The following FBXO38 variants were observed in gnomAD, a reference collection of about 807,000 sequenced individuals.
FBXO38 encodes F-box only protein 38.
FBXO38 carries 53 observed loss-of-function variants against 131.9 expected under a neutral mutation model. The observed-to-expected ratio is 0.40, with a 90% CI of 0.32 to 0.51. The LOEUF (loss-of-function observed/expected upper bound fraction) is 0.51. Among genes scored for constraint, FBXO38 ranks in the 20% least tolerant of loss-of-function variants. The probability of loss-of-function intolerance (pLI) is 0.53; values close to 1 mark genes in which losing one functional copy is unlikely to be tolerated. For missense variants in FBXO38, 1,076 were observed against 1,475.6 expected, an observed-to-expected ratio of 0.73 and a Z score of 4.44; for synonymous variants, 452 against 505.6, an observed-to-expected ratio of 0.89 and a Z score of 1.42.
chr5:148,422,136 G>T (rs1753478087), intron 12 of FBXO38, among the ~76,000 whole-genome samples: 1 of 151,784 alleles, frequency 6.6e-6, no homozygotes, highest in African/African-American at 2.4e-5. Context: ...AGCAACCAGG[G>T]CAGTCTTTTA....
At chr5:148,394,103 T>C (rs1019768493) in intron 1 of FBXO38, among the ~76,000 whole-genome samples, 1 of 152,190 alleles carries the variant, frequency 6.6e-6, no homozygotes, top group Non-Finnish European at 1.5e-5. Context: ...TCATTCTTTC[T>C]CTGAAGTTGT....
intron 5 of FBXO38, 59 bp downstream of exon 5, chr5:148,402,572 T>G: frequency 7.4e-7 from 1 of 1,345,098 alleles, no homozygotes; most frequent in Non-Finnish European, 1.0e-6. Context: ...AATGTGAATA[T>G]TCACTGAAAA....
intron 17 of FBXO38, among the ~76,000 whole-genome samples, chr5:148,435,769 C>CA (rs1388143541): frequency 6.6e-6 from 1 of 151,876 alleles, no homozygotes. Flanking sequence ...GACTCCATCT[C>CA]AAAAAAATAA....
In FBXO38 at chr5:148,433,751, C is replaced by T; in HGVS notation, c.2857+14C>T. 1 of 1,449,126 alleles carries T rather than the reference C, an allele frequency of 6.9e-7. No individual in the cohort carries two copies. The highest frequency in any genetic ancestry group is 9.6e-7 in the Non-Finnish European group (1 of 1,044,682). The allele number at this position is 1,449,126 out of a possible 1,614,324, so 89.8% of individuals were successfully genotyped here. Reference sequence around the variant, plus strand: ...TGTTCATCCATGGTATGTATTTGGGCCCATATTATACAAGAGTATCATGAA... The same window carrying T: ...TGTTCATCCATGGTATGTATTTGGGTCCATATTATACAAGAGTATCATGAA... On this transcript the variant is annotated intron_variant, in intron 17 of 21. Coordinates refer to ENST00000340253, the MANE Select transcript of FBXO38 (RefSeq NM_205836.3).
intron 12 of FBXO38, among the ~76,000 whole-genome samples, chr5:148,420,398 A>AT (rs2113603225): frequency 6.6e-6 from 1 of 152,220 alleles, no homozygotes; most frequent in East Asian, 1.9e-4. Context: ...AAATGCTGTG[A>AT]TTACAGGCAT....
rs112339566 is a variant in FBXO38, at chr5:148,442,531, G to A, written c.*384G>A. On this transcript the variant is annotated 3_prime_UTR_variant, in exon 22 of 22. Coordinates refer to ENST00000340253, the MANE Select transcript of FBXO38 (RefSeq NM_205836.3). ...AATCTGTGCCTTTTTCTTCTTGAGC[G>A]AAGCTGTTTGAGTAAACCTGTTGAA... 6 of 157,526 alleles carry A rather than the reference G, an allele frequency of 3.8e-5. No homozygotes were observed. Among genetic ancestry groups the A allele is most frequent in the African/African-American group, 1.2e-4 (5 of 41,610 alleles). The allele number at this position is 157,526 out of a possible 1,614,324, so 9.8% of individuals were successfully genotyped here. A position where few individuals can be genotyped will look rare whatever the true frequency, so the allele number is the denominator to read the frequency against.
At chr5:148,394,685 T>C (rs1020882934) in intron 1 of FBXO38, 29 bp from the exon 2 acceptor site, 8 of 1,248,358 alleles carry the variant, frequency 6.4e-6, no homozygotes, top group African/African-American at 3.1e-5. Context: ...TGTGTTTTTT[T>C]AGTCTACTTC....
chr5:148,427,516 C>T lies in FBXO38; in HGVS notation c.2222C>T (p.Pro741Leu). Residue 741 changes from proline to leucine, a missense_variant, in exon 15 of 22, where the codon CCT becomes CTT. This residue lies in a region of FBXO38 where 213 missense variants were observed against 225.2 expected (regional missense o/e 0.95). Coordinates refer to ENST00000340253, the MANE Select transcript of FBXO38 (RefSeq NM_205836.3). ...AGCGGCGGCTCTTCCGAGCCTAGCC[C>T]TACAGAAGTGGATGTGTCCAGGCAG... ...VNSGGSSEPS[P>L]TEVDVSRQCA... is the part of the protein sequence containing the mutation. 1 of 1,614,194 alleles carries T rather than the reference C, an allele frequency of 6.2e-7. No individual in the cohort carries two copies. The highest frequency in any genetic ancestry group is 8.5e-7 in the Non-Finnish European group (1 of 1,180,018).
chr5:148,440,414 T>C lies in FBXO38; in HGVS notation c.3171-10T>C. 4.5e-6 allele frequency: 7 copies of C among 1,559,486 alleles called. No individual in the cohort carries two copies. The South Asian group carries it at 7.9e-5, about 18-fold the overall frequency. The stretch of plus-strand genomic sequence containing the variant: ...TGTAATTTTTACTTAATTTTTCCTG[T>C]TGCTTCCAGAGAGCTCATTAAATAT... On this transcript the variant is annotated splice_polypyrimidine_tract_variant and intron_variant, in intron 19 of 21. Transcript: ENST00000340253.
intron 1 of FBXO38, among the ~76,000 whole-genome samples, chr5:148,390,643 T>G (rs536308311): frequency 2.0e-5 from 3 of 152,312 alleles, no homozygotes; most frequent in Admixed American, 6.5e-5. Context: ...AGATCTAACC[T>G]CAGTATAATA....
intron 13 of FBXO38, 48 bp from the exon 14 acceptor site, chr5:148,425,474 T>G (rs996674090): frequency 2.7e-6 from 4 of 1,455,050 alleles, no homozygotes; most frequent in African/African-American, 2.8e-5. Flanking sequence ...TTGCATTAGA[T>G]CCTTTCTTGC....
chr5:148,432,215 A>G (rs1754078847), intron 15 of FBXO38, among the ~76,000 whole-genome samples: 1 of 152,224 alleles, frequency 6.6e-6, no homozygotes, highest in Non-Finnish European at 1.5e-5. Flanking sequence ...GCTCTGCTAC[A>G]ATATGATTAA....
chr5:148,440,980 A>G (rs1162721541), intron 20 of FBXO38, 144 bp from the exon 21 acceptor site: 3 of 659,310 alleles, frequency 4.6e-6, no homozygotes, highest in Non-Finnish European at 8.2e-6. Flanking sequence ...AGAAATTACA[A>G]ATTAGTTTGA....
intron 9 of FBXO38, chr5:148,413,158 A>G (rs1202258899): frequency 6.6e-6 from 1 of 152,146 alleles, no homozygotes; most frequent in South Asian, 2.1e-4. Flanking sequence ...ATTGTAAAGG[A>G]TGGATTAAGG....
At chr5:148,385,979 G>C (rs1389926043) in intron 1 of FBXO38, among the ~76,000 whole-genome samples, 1 of 152,142 alleles carries the variant, frequency 6.6e-6, no homozygotes, top group African/African-American at 2.4e-5. Context: ...CGAGATAGGA[G>C]AACACTTTTT....
chr5:148,433,659 C>T lies in FBXO38; in HGVS notation c.2779C>T (p.Leu927Phe). The change falls in exon 17 of 22, where the codon CTT (leucine) becomes TTT (phenylalanine). Residue 927 changes from leucine to phenylalanine, a missense_variant. Transcript: ENST00000340253. The stretch of plus-strand genomic sequence containing the variant: ...GGTTCTTGTATTAAAATCCAAGAAT[C>T]TTGTTGGAGTCACTATGACCAATTG... ...VQVLVLKSKNLVGVTMTNCGI... is the reference protein window; with the variant it reads ...VQVLVLKSKNFVGVTMTNCGI... 1.2e-6 allele frequency: 2 copies of T among 1,606,632 alleles called. No homozygotes were observed. The highest frequency in any genetic ancestry group is 8.5e-7 in the Non-Finnish European group (1 of 1,177,108).
chr5:148,388,167 A>G (rs1200923462), intron 1 of FBXO38, among the ~76,000 whole-genome samples: 1 of 152,216 alleles, frequency 6.6e-6, no homozygotes, highest in Non-Finnish European at 1.5e-5. Context: ...AATATTTTAA[A>G]AGGAAACTTT....
chr5:148,399,126 C>A lies in FBXO38; in HGVS notation c.256C>A (p.Pro86Thr). 2.5e-6 allele frequency: 4 copies of A among 1,612,798 alleles called. No homozygotes were observed. Among genetic ancestry groups the A allele is most frequent in the Non-Finnish European group, 3.4e-6 (4 of 1,179,330 alleles). The change falls in exon 3 of 22, where the codon CCA (proline) becomes ACA (threonine). Residue 86 changes from proline (P) to threonine (T), a missense_variant. Pro to Thr is a conservative substitution (Grantham distance 38). Around this residue, in one of 8 missense-constraint regions of FBXO38, gnomAD observed 96 missense variants for 193.9 expected, o/e 0.50. Coordinates refer to ENST00000340253, the MANE Select transcript of FBXO38 (RefSeq NM_205836.3). ...LCAGRWWEYMPSGFTDASFLT... is the reference protein window; with the variant it reads ...LCAGRWWEYMTSGFTDASFLT... ...TGCAGGGCGGTGGTGGGAATACATG[C>A]CAAGTGGTAAGTGGATTTAGTCTGT... is the stretch of plus-strand genomic sequence containing the variant.
intron 5 of FBXO38, among the ~76,000 whole-genome samples, chr5:148,403,575 C>A (rs1282915384): frequency 6.6e-6 from 1 of 152,154 alleles, no homozygotes; most frequent in Non-Finnish European, 1.5e-5. Context: ...CTGTACCTCA[C>A]TTCTGCTTTT....
Sources: allele counts gnomAD v4.1 joint callset (sites outside exome capture counted in the v4.1 genomes callset), GRCh38; gene constraint gnomAD v4.1.1; regional missense constraint gnomAD v4.1.1; transcripts MANE v1.5; gene names NCBI Gene and HGNC (gene_info 2026-07-23, HGNC 2026-07-21).